Variants in SLC12A6 observed in about 807,000 individuals in gnomAD.
SLC12A6 encodes solute carrier family 12 member 6, also known as K-Cl cotransporter 3.
Under a neutral mutation model 135.3 loss-of-function variants are expected in SLC12A6, and 66 were observed. The ratio of observed to expected loss-of-function variants is 0.49; its 90% CI spans 0.40 to 0.60. The LOEUF (loss-of-function observed/expected upper bound fraction) is 0.60, where lower values mean the gene tolerates loss of function less well. Ranked by LOEUF, SLC12A6 falls within the 20% of genes least tolerant of loss-of-function variation. The pLI is 0.00. For missense variants in SLC12A6, 1,058 were observed against 1,452.3 expected (o/e 0.73, Z 4.41); for synonymous variants, 513 against 508.8 (o/e 1.01, Z -0.11).
chr15:34,275,855 C>A (rs1428387362), intron 2 of SLC12A6, among the ~76,000 whole-genome samples: 1 of 152,002 alleles, frequency 6.6e-6, no homozygotes, highest in Non-Finnish European at 1.5e-5. Flanking sequence ...AAACCAGACA[C>A]AAAAAGATAA....
chr15:34,294,827 T>C (rs1356793820), intron 2 of SLC12A6, among the ~76,000 whole-genome samples: 1 of 151,568 alleles, frequency 6.6e-6, no homozygotes, highest in Admixed American at 6.5e-5. Context: ...AGTGCTAGGA[T>C]TACAGGCATG....
At chr15:34,234,003 G>A in intron 25 of SLC12A6, 31 bp from the exon 26 acceptor site, 1 of 1,146,334 alleles carries the variant, frequency 8.7e-7, no homozygotes, top group Non-Finnish European at 1.3e-6. Flanking sequence ...ACAGGCAAAA[G>A]AAGAGCACAA....
intron 2 of SLC12A6, among the ~76,000 whole-genome samples, chr15:34,326,239 A>T (rs1336897723): frequency 6.6e-6 from 1 of 152,154 alleles, no homozygotes; most frequent in Admixed American, 6.5e-5. Context: ...TCCCAACCAA[A>T]GAGGGTAGCA....
rs1386170769 is a variant in SLC12A6 at position 34,254,387 on chromosome 15, G to C, written c.1079C>G (p.Ala360Gly). 3 of 1,613,514 alleles carry C rather than the reference G, an allele frequency of 1.9e-6. No individual in the cohort carries two copies. The South Asian group carries it at 3.3e-5, about 18-fold the overall frequency. Residue 360 changes from alanine to glycine, a missense_variant, in exon 9 of 26, where the codon GCT becomes GGT. Around this residue, in one of 6 missense-constraint regions of SLC12A6, gnomAD observed 297 missense variants for 318.5 expected, o/e 0.93. Transcript: ENST00000354181. ...CVIVSILAIY[A>G]GAIKSSFAPP... The stretch of plus-strand genomic sequence containing the variant: ...AGCAAAAGAAGACTTGATGGCTCCA[G>C]CATAGATGGCCAAGATGGACACAAT...
chr15:34,271,672 C>T (rs1893962909), intron 3 of SLC12A6, among the ~76,000 whole-genome samples: 1 of 151,646 alleles, frequency 6.6e-6, no homozygotes, highest in Admixed American at 6.6e-5. Flanking sequence ...ATTATTACAA[C>T]AGCAGTTTCA....
chr15:34,251,143 G>C (rs758617520), intron 10 of SLC12A6, 86 bp from the exon 11 acceptor site: 32 of 1,017,290 alleles, frequency 3.1e-5, no homozygotes, highest in Non-Finnish European at 5.0e-5. Context: ...TCAAAATCAG[G>C]CTCCTCATTT....
chr15:34,293,514 G>A (rs1480570515), intron 2 of SLC12A6, among the ~76,000 whole-genome samples: 1 of 152,228 alleles, frequency 6.6e-6, no homozygotes, highest in Admixed American at 6.5e-5. Flanking sequence ...ATGTTGGCTA[G>A]GCTGGTCTCG....
intron 2 of SLC12A6, among the ~76,000 whole-genome samples, chr15:34,297,647 G>C (rs146466544): frequency 6.6e-6 from 1 of 152,184 alleles, no homozygotes; most frequent in Non-Finnish European, 1.5e-5. Context: ...CATTGATCAA[G>C]GCAGTGTGAA....
chr15:34,299,234 T>C (rs1174482263), intron 2 of SLC12A6, among the ~76,000 whole-genome samples: 1 of 152,228 alleles, frequency 6.6e-6, no homozygotes, highest in Non-Finnish European at 1.5e-5. Context: ...TGTGGTTTAC[T>C]TATTTGGACC....
At chr15:34,325,454 C>A (rs571984135) in intron 2 of SLC12A6, among the ~76,000 whole-genome samples, 8 of 152,178 alleles carry the variant, frequency 5.3e-5, no homozygotes, top group African/African-American at 1.7e-4. Context: ...TGACTTGAAA[C>A]TGTCTATGAA....
chr15:34,311,692 C>T (rs900378013), intron 2 of SLC12A6, among the ~76,000 whole-genome samples: 2 of 152,176 alleles, frequency 1.3e-5, no homozygotes, highest in East Asian at 3.8e-4. Flanking sequence ...CACCCACTAT[C>T]CCACAGAGTG....
At chr15:34,307,274 C>T (rs538632360) in intron 2 of SLC12A6, among the ~76,000 whole-genome samples, 7 of 152,182 alleles carry the variant, frequency 4.6e-5, no homozygotes, top group Non-Finnish European at 8.8e-5. Context: ...AGAAGAATAC[C>T]TACAGGTAAC....
intron 2 of SLC12A6, among the ~76,000 whole-genome samples, chr15:34,294,289 G>A (rs183133275): frequency 1.3e-5 from 2 of 152,130 alleles, no homozygotes; most frequent in Admixed American, 1.3e-4. Context: ...CTGGAGTGCA[G>A]TGGTGTGATC....
intron 2 of SLC12A6, chr15:34,318,743 C>T (rs1888835520): frequency 6.2e-7 from 1 of 1,606,900 alleles, no homozygotes; most frequent in Non-Finnish European, 8.5e-7. Context: ...GTTTTCCCTG[C>T]CTACCTCTTC....
At chr15:34,286,024 A>G (rs940358083) in intron 2 of SLC12A6, among the ~76,000 whole-genome samples, 2 of 151,858 alleles carry the variant, frequency 1.3e-5, no homozygotes, top group Non-Finnish European at 2.9e-5. Flanking sequence ...TACTCTTAAC[A>G]CTACTGAACT....
chr15:34,287,305 A>G (rs1192223941), intron 2 of SLC12A6, among the ~76,000 whole-genome samples: 1 of 152,230 alleles, frequency 6.6e-6, no homozygotes, highest in African/African-American at 2.4e-5. Context: ...TGCAAAGGAC[A>G]GGAACTCATC....
intron 3 of SLC12A6, among the ~76,000 whole-genome samples, chr15:34,268,908 G>A (rs1893712873): frequency 6.6e-6 from 1 of 150,812 alleles, no homozygotes; most frequent in Non-Finnish European, 1.5e-5. Context: ...CCAGTCTGCA[G>A]TGCAGTGGCA....
At chr15:34,255,909 T>A (rs1310362728) in intron 7 of SLC12A6, among the ~76,000 whole-genome samples, 1 of 151,932 alleles carries the variant, frequency 6.6e-6, no homozygotes, top group Non-Finnish European at 1.5e-5. Context: ...TTGGAGGCTG[T>A]GTGAGCTATG....
chr15:34,237,567 C>T lies in SLC12A6; in HGVS notation c.2803-17G>A. 6.2e-7 allele frequency: 1 copy of T among 1,608,764 alleles called. No individual in the cohort carries two copies. The highest frequency in any genetic ancestry group is 8.5e-7 in the Non-Finnish European group (1 of 1,176,034). On this transcript the variant is annotated splice_polypyrimidine_tract_variant and intron_variant, in intron 21 of 25. Coordinates refer to ENST00000354181, the MANE Select transcript of SLC12A6 (RefSeq NM_001365088.1). Reference sequence around the variant, plus strand: ...TCGCCACACCTGAGAGAGTGACATACACATGTGAAAAATTAGAGCAAGGAG... The same window carrying T: ...TCGCCACACCTGAGAGAGTGACATATACATGTGAAAAATTAGAGCAAGGAG...
Sources: gnomAD v4.1 joint callset for allele counts (sites outside exome capture counted in the v4.1 genomes callset) on GRCh38, gnomAD v4.1.1 for gene constraint, gnomAD v4.1.1 regional missense constraint, MANE v1.5 for transcripts, NCBI Gene and HGNC (gene_info 2026-07-23, HGNC 2026-07-21) for gene names.